FER1L6: variants seen among roughly 807,000 people sequenced by gnomAD.
The protein encoded by FER1L6 is fer-1-like protein 6.
FER1L6 carries 177 observed loss-of-function variants against 219.2 expected under a neutral mutation model. That is an observed-to-expected ratio of 0.81 (90% confidence interval 0.71 to 0.91). FER1L6 has a LOEUF of 0.91. Ranked by LOEUF, FER1L6 falls within the 40% of genes least tolerant of loss-of-function variation. FER1L6 has a pLI of 0.00. For synonymous variants in FER1L6, 768 were observed against 824.3 expected (o/e 0.93, Z 1.17); for missense variants, 2,153 against 2,259.9 (o/e 0.95, Z 0.96).
rs61303449 is a variant in FER1L6, at chr8:123,852,471, CGTGTGTGTGTGTGTGT to C, written c.-8+313_-8+328del. 9.3e-5 allele frequency among the ~76,000 whole-genome samples: 13 copies of C among 140,058 alleles called. No homozygotes were observed. Among genetic ancestry groups the C allele is most frequent in the South Asian group, 2.4e-4 (1 of 4,196 alleles). The allele number at this position is 140,058 out of a possible 152,430, so 91.9% of individuals were successfully genotyped here. A position where few individuals can be genotyped will look rare whatever the true frequency, so the allele number is the denominator to read the frequency against. ...GCTTGAACTCCATGTTGTGAGCATG[CGTGTGTGTGTGTGTGT>C]GTGTGTGTGTGTGTGTGTGTGTGTG... On this transcript the variant is annotated intron_variant, in intron 1 of 40. Coordinates refer to ENST00000522917, the MANE Select transcript of FER1L6 (RefSeq NM_001039112.2). The surrounding 1 kb of genome is among the most constrained non-coding windows in gnomAD (Gnocchi z 4.9).
intron 13 of FER1L6, among the ~76,000 whole-genome samples, chr8:124,007,879 AT>A (rs112809207): frequency 0.036 from 5,515 of 152,226 alleles, 218 homozygotes; most frequent in East Asian, 0.11. Context: ...TAGTATGATT[AT>A]TTTTTTACAT....
intron 1 of FER1L6, among the ~76,000 whole-genome samples, chr8:123,855,991 T>C (rs1227747205): frequency 7.0e-6 from 1 of 143,096 alleles, no homozygotes; most frequent in East Asian, 2.0e-4. Flanking sequence ...GAGATATATG[T>C]ATATACATAT....
At chr8:123,931,044 G>A (rs1478153591) in intron 1 of FER1L6, among the ~76,000 whole-genome samples, 1 of 152,152 alleles carries the variant, frequency 6.6e-6, no homozygotes, top group Non-Finnish European at 1.5e-5. Context: ...ACATCCTTTG[G>A]TGGTAGGCTT....
At chr8:123,894,256 T>C (rs910575679) in intron 1 of FER1L6, among the ~76,000 whole-genome samples, 6 of 152,172 alleles carry the variant, frequency 3.9e-5, no homozygotes, top group Non-Finnish European at 8.8e-5. Context: ...TCCTTACCCT[T>C]TCCGAGTTCC....
At chr8:123,974,744 T>G (rs531539907) in intron 7 of FER1L6, among the ~76,000 whole-genome samples, 1 of 151,240 alleles carries the variant, frequency 6.6e-6, no homozygotes, top group East Asian at 2.0e-4. Flanking sequence ...AAGTCTAGAT[T>G]ATGTAAGCCA....
intron 5 of FER1L6, among the ~76,000 whole-genome samples, chr8:123,967,974 T>A (rs1815634963): frequency 6.6e-6 from 1 of 151,816 alleles, no homozygotes; most frequent in Non-Finnish European, 1.5e-5. Context: ...AAAAAAAATC[T>A]TATTATCTTA....
At chr8:124,087,278 T>G (rs1821824015) in intron 33 of FER1L6, among the ~76,000 whole-genome samples, 1 of 152,072 alleles carries the variant, frequency 6.6e-6, no homozygotes, top group African/African-American at 2.4e-5. Flanking sequence ...TTCAATTCTT[T>G]GTTTGTTTCC....
rs1275334044 is a variant in FER1L6 at position 124,038,207 on chromosome 8, C to T, written c.2465-1675C>T. ...CTCATCCTGCTCCAGTGTCTTGGCA[C>T]CTCCACCTCTGTCTCTCAAATGTTA... On this transcript the variant is annotated intron_variant, in intron 19 of 40. Coordinates refer to ENST00000522917, the MANE Select transcript of FER1L6 (RefSeq NM_001039112.2). Among the ~76,000 whole-genome samples, 6 of 152,212 alleles carry T rather than the reference C, an allele frequency of 3.9e-5. No homozygotes were observed. The South Asian group carries it at 1.0e-3, about 26-fold the overall frequency.
intron 39 of FER1L6, among the ~76,000 whole-genome samples, chr8:124,114,899 A>ATATG (rs1563808899): frequency 3.3e-5 from 1 of 30,684 alleles, no homozygotes; most frequent in Non-Finnish European, 7.1e-5. Context: ...GTGTGCGTAT[A>ATATG]TATATATATA....
chr8:123,932,674 CAGCAAGTACAAT>C (rs1813818841), intron 1 of FER1L6, among the ~76,000 whole-genome samples: 1 of 152,158 alleles, frequency 6.6e-6, no homozygotes, highest in Non-Finnish European at 1.5e-5. Flanking sequence ...TTAGATCCTT[CAGCAAGTACAAT>C]AGGAACCTGG....
intron 22 of FER1L6, among the ~76,000 whole-genome samples, chr8:124,054,168 T>TTTAC (rs1361267653): frequency 6.6e-6 from 1 of 152,184 alleles, no homozygotes; most frequent in Non-Finnish European, 1.5e-5. Context: ...ACTGGCCTTC[T>TTTAC]TTACTTTTCC....
intron 18 of FER1L6, among the ~76,000 whole-genome samples, chr8:124,026,640 C>T (rs1268837624): frequency 1.3e-5 from 2 of 152,158 alleles, no homozygotes; most frequent in African/African-American, 4.8e-5. Context: ...TTGATACAAA[C>T]ATGGCAGCAG....
At chr8:124,049,282 A>G (rs1819886055) in intron 21 of FER1L6, among the ~76,000 whole-genome samples, 1 of 152,084 alleles carries the variant, frequency 6.6e-6, no homozygotes, top group Admixed American at 6.6e-5. Flanking sequence ...TCTTGACCTC[A>G]TGATACACCT....
intron 12 of FER1L6, among the ~76,000 whole-genome samples, chr8:123,998,408 C>T (rs916082083): frequency 2.7e-5 from 4 of 148,336 alleles, no homozygotes; most frequent in African/African-American, 7.6e-5. Context: ...CTCTCTCTCT[C>T]TCTCTCTCTC....
At chr8:123,961,304 C>A (rs948722860) in intron 2 of FER1L6, among the ~76,000 whole-genome samples, 1 of 151,982 alleles carries the variant, frequency 6.6e-6, no homozygotes, top group East Asian at 1.9e-4. Context: ...TGGGCCCCAC[C>A]CAGACCTACT....
At chr8:123,875,205 A>G (rs1336240483) in intron 1 of FER1L6, among the ~76,000 whole-genome samples, 1 of 152,088 alleles carries the variant, frequency 6.6e-6, no homozygotes, top group East Asian at 1.9e-4. Context: ...AAAAAAAACA[A>G]TCAAAAAATG....
chr8:123,997,253 T>C (rs907345082), intron 12 of FER1L6, among the ~76,000 whole-genome samples: 1 of 152,178 alleles, frequency 6.6e-6, no homozygotes, highest in Non-Finnish European at 1.5e-5. Context: ...TTCTCCTTCA[T>C]GTTTAAAGAA....
At chr8:123,907,291 A>G (rs185875131) in intron 1 of FER1L6, among the ~76,000 whole-genome samples, 1 of 152,316 alleles carries the variant, frequency 6.6e-6, no homozygotes, top group African/African-American at 2.4e-5. Context: ...TCCAGAATAC[A>G]GAAAGGAAGC....
intron 2 of FER1L6, among the ~76,000 whole-genome samples, chr8:123,958,872 G>A (rs368929190): frequency 6.6e-6 from 1 of 151,562 alleles, no homozygotes; most frequent in African/African-American, 2.4e-5. Context: ...AGGGATGCCT[G>A]TGAAAAATTC....
Sources: allele counts gnomAD v4.1 joint callset (sites outside exome capture counted in the v4.1 genomes callset), GRCh38; gene constraint gnomAD v4.1.1; non-coding constraint Gnocchi (gnomAD v3.1); transcripts MANE v1.5; gene names NCBI Gene and HGNC (gene_info 2026-07-23, HGNC 2026-07-21).